NEGR1: variants seen among roughly 807,000 people sequenced by gnomAD.
NEGR1 encodes the protein neuronal growth regulator 1, also known as IgLON family member 4.
A neutral mutation model predicts 40.9 loss-of-function variants in NEGR1; 10 were observed. That is an observed-to-expected ratio of 0.24 (90% confidence interval 0.15 to 0.42). The LOEUF (loss-of-function observed/expected upper bound fraction) is 0.42. Ranked by LOEUF, NEGR1 falls within the 10% of genes least tolerant of loss-of-function variation. The probability of loss-of-function intolerance (pLI) is 1.00; values close to 1 mark genes in which losing one functional copy is unlikely to be tolerated. For missense variants in NEGR1, 352 were observed against 438.9 expected (o/e 0.80, Z 1.77); for synonymous variants, 185 against 166.8 (o/e 1.11, Z -0.84).
chr1:71,924,250 A>T (rs113081287), intron 2 of NEGR1, among the ~76,000 whole-genome samples: 1 of 152,162 alleles, frequency 6.6e-6, no homozygotes, highest in Non-Finnish European at 1.5e-5. Context: ...ACATTGGGAG[A>T]CTGTATCATT....
intron 1 of NEGR1, among the ~76,000 whole-genome samples, chr1:71,978,895 G>A (rs1315578937): frequency 6.6e-6 from 1 of 151,894 alleles, no homozygotes; most frequent in Non-Finnish European, 1.5e-5. Flanking sequence ...GTACTGTAAG[G>A]ACATATGCAC....
intron 5 of NEGR1, among the ~76,000 whole-genome samples, chr1:71,593,283 T>C (rs751147307): frequency 7.2e-5 from 11 of 152,164 alleles, no homozygotes; most frequent in Non-Finnish European, 1.3e-4. Flanking sequence ...TAATATCTCA[T>C]CTATTAAAGT....
At chr1:71,604,283 T>G (rs1202784045) in intron 5 of NEGR1, among the ~76,000 whole-genome samples, 5 of 152,132 alleles carry the variant, frequency 3.3e-5, no homozygotes, top group Non-Finnish European at 7.4e-5. Flanking sequence ...GCCTTGAAAA[T>G]CATAATCTGC....
intron 4 of NEGR1, among the ~76,000 whole-genome samples, chr1:71,667,247 T>C (rs921115449): frequency 2.0e-5 from 3 of 152,204 alleles, no homozygotes; most frequent in East Asian, 1.9e-4. Flanking sequence ...TGTGAATCAG[T>C]TGAAAAGTAA....
intron 1 of NEGR1, among the ~76,000 whole-genome samples, chr1:72,132,617 G>A (rs749920017): frequency 3.3e-5 from 5 of 152,080 alleles, no homozygotes; most frequent in African/African-American, 9.7e-5. Flanking sequence ...CACTATTACC[G>A]TAGGGTGACT....
chr1:71,737,906 G>T (rs1220010665), intron 3 of NEGR1, among the ~76,000 whole-genome samples: 2 of 152,066 alleles, frequency 1.3e-5, no homozygotes, highest in Non-Finnish European at 2.9e-5. Flanking sequence ...CTCACGGGTG[G>T]CAGGAATTAC....
chr1:71,976,534 C>T (rs1446339132), intron 1 of NEGR1, among the ~76,000 whole-genome samples: 2 of 152,118 alleles, frequency 1.3e-5, no homozygotes, highest in Non-Finnish European at 2.9e-5. Flanking sequence ...GGGAGACTGG[C>T]TCCCGGCTAT....
chr1:72,030,638 A>G (rs982612330), intron 1 of NEGR1, among the ~76,000 whole-genome samples: 1 of 152,146 alleles, frequency 6.6e-6, no homozygotes, highest in Admixed American at 6.5e-5. Context: ...ATTGATCAAC[A>G]CTAAAAAGAA....
chr1:71,449,942 T>C (rs1274847191), intron 6 of NEGR1, among the ~76,000 whole-genome samples: 8 of 152,040 alleles, frequency 5.3e-5, no homozygotes, highest in Non-Finnish European at 1.2e-4. Context: ...TATTTTTATA[T>C]TTGTCTTTTA....
intron 4 of NEGR1, among the ~76,000 whole-genome samples, chr1:71,693,153 C>T (rs867011829): frequency 6.6e-6 from 1 of 151,680 alleles, no homozygotes; most frequent in Non-Finnish European, 1.5e-5. Flanking sequence ...ATTAGTGCTG[C>T]TTCTCTCTGA....
At chr1:71,671,991 C>T (rs1386840381) in intron 4 of NEGR1, among the ~76,000 whole-genome samples, 2 of 151,014 alleles carry the variant, frequency 1.3e-5, no homozygotes, top group Admixed American at 1.3e-4. Context: ...GCCTCAGCCT[C>T]GCAAAGTGGT....
At chr1:72,143,895 TTA>T (rs531659289) in intron 1 of NEGR1, among the ~76,000 whole-genome samples, 2 of 95,836 alleles carry the variant, frequency 2.1e-5, no homozygotes, top group Admixed American at 1.2e-4. Flanking sequence ...TATATATATA[TTA>T]TATATATGAT....
At chr1:71,915,778 GTAA>G (rs896235638) in intron 2 of NEGR1, among the ~76,000 whole-genome samples, 2 of 152,084 alleles carry the variant, frequency 1.3e-5, no homozygotes, top group African/African-American at 4.8e-5. Flanking sequence ...GGTTCCATTA[GTAA>G]TAATAACATA....
In NEGR1 at chr1:71,396,577, C is replaced by A. The variant is rs1646213045; in HGVS notation, c.*10869G>T. ...GATATTGTTTGGCCATGTCCCCACA[C>A]AAATCTCATTTTGAATTCCCACATA... is the stretch of plus-strand genomic sequence containing the variant. On this transcript the variant is annotated 3_prime_UTR_variant, in exon 7 of 7. Transcript: ENST00000357731. 1 of 152,322 alleles carries A rather than the reference C, an allele frequency of 6.6e-6. No homozygotes were observed. 9.4% of individuals were successfully genotyped at this position (152,322 alleles called of 1,614,324 possible). A position where few individuals can be genotyped will look rare whatever the true frequency, so the allele number is the denominator to read the frequency against.
intron 2 of NEGR1, among the ~76,000 whole-genome samples, chr1:71,913,796 C>T (rs1170694255): frequency 2.0e-5 from 3 of 149,698 alleles, no homozygotes; most frequent in Non-Finnish European, 3.0e-5. Flanking sequence ...TATTATTTTA[C>T]AGTCATTTAC....
chr1:72,130,644 C>T (rs1650211025), intron 1 of NEGR1, among the ~76,000 whole-genome samples: 1 of 152,106 alleles, frequency 6.6e-6, no homozygotes, highest in African/African-American at 2.4e-5. Flanking sequence ...CTTGGACAAT[C>T]AGAACATTTA....
chr1:72,094,499 G>A (rs74906710), intron 1 of NEGR1, among the ~76,000 whole-genome samples: 5,687 of 152,150 alleles, frequency 0.037, 327 homozygotes, highest in African/African-American at 0.13. Flanking sequence ...TCTTTTCAAC[G>A]TCAAAAACAA....
intron 4 of NEGR1, among the ~76,000 whole-genome samples, chr1:71,680,899 A>G (rs1182694284): frequency 1.3e-5 from 2 of 152,228 alleles, no homozygotes; most frequent in Non-Finnish European, 2.9e-5. Flanking sequence ...TAGGAGTGTC[A>G]TAATATATGT....
intron 2 of NEGR1, among the ~76,000 whole-genome samples, chr1:71,856,519 C>T (rs1354166663): frequency 6.6e-6 from 1 of 152,056 alleles, no homozygotes; most frequent in Non-Finnish European, 1.5e-5. Flanking sequence ...GAATCACAGT[C>T]TAATATACCT....
Sources: gnomAD v4.1 joint callset for allele counts (sites outside exome capture counted in the v4.1 genomes callset) on GRCh38, gnomAD v4.1.1 for gene constraint, MANE v1.5 for transcripts, NCBI Gene and HGNC (gene_info 2026-07-23, HGNC 2026-07-21) for gene names.